JAZF1: variants seen among roughly 807,000 people sequenced by gnomAD.
The protein encoded by JAZF1 is JAZF zinc finger 1.
Under a neutral mutation model 26.4 loss-of-function variants are expected in JAZF1, and 8 were observed. That is an observed-to-expected ratio of 0.30 (90% CI 0.18 to 0.55). The LOEUF is 0.55. Ranked by LOEUF, JAZF1 falls within the 20% of genes least tolerant of loss-of-function variation. JAZF1 has a pLI of 0.94. For synonymous variants in JAZF1, 126 were observed against 122.3 expected (o/e 1.03, Z -0.20); for missense variants, 199 against 322.0 (o/e 0.62, Z 2.92).
chr7:27,865,326 G>A (rs1307267501), intron 3 of JAZF1, among the ~76,000 whole-genome samples: 1 of 152,154 alleles, frequency 6.6e-6, no homozygotes, highest in Non-Finnish European at 1.5e-5. Flanking sequence ...AGCCATGATC[G>A]TGCCACTGCA....
Position 28,110,497 on chromosome 7 carries a change from GGAAAGGAAAA to G in JAZF1, c.115+69956_115+69965del, listed in dbSNP as rs1486913627. 6.6e-4 allele frequency among the ~76,000 whole-genome samples: 19 copies of G among 28,642 alleles called. 2 individuals carry two copies. Among genetic ancestry groups the G allele is most frequent in the East Asian group, 2.2e-3 (1 of 452 alleles). The allele number at this position is 28,642 out of a possible 152,430, so 18.8% of individuals were successfully genotyped here. A position where few individuals can be genotyped will look rare whatever the true frequency, so the allele number is the denominator to read the frequency against. ...GGAAAGGAAAGGAAAGGAAAGGAAAGGAAAGGAAAAGGAAAGGAAAAGGAAAAGGAAAAGG... is the reference window on the plus strand; with the variant it reads ...GGAAAGGAAAGGAAAGGAAAGGAAAGGGAAAGGAAAAGGAAAAGGAAAAGG... On this transcript the variant is annotated intron_variant, in intron 1 of 4. Coordinates refer to ENST00000283928, the MANE Select transcript of JAZF1 (RefSeq NM_175061.4).
chr7:28,127,024 C>G (rs1241839208), intron 1 of JAZF1, among the ~76,000 whole-genome samples: 1 of 152,308 alleles, frequency 6.6e-6, no homozygotes, highest in Middle Eastern at 3.4e-3. Context: ...CAGTTTGTTC[C>G]AGACACTCAA....
intron 1 of JAZF1, among the ~76,000 whole-genome samples, chr7:28,159,786 A>C (rs747088359): frequency 4.6e-5 from 7 of 152,130 alleles, no homozygotes; most frequent in Non-Finnish European, 7.4e-5. Flanking sequence ...TGGTGTACAC[A>C]TAGCCTATTA....
intron 1 of JAZF1, among the ~76,000 whole-genome samples, chr7:28,146,871 T>G (rs1783036559): frequency 1.3e-5 from 2 of 151,380 alleles, no homozygotes; most frequent in African/African-American, 4.9e-5. Context: ...TTTGTTTTTT[T>G]TTTTTGAGAG....
chr7:27,847,730 T>C (rs1180940974), intron 3 of JAZF1, among the ~76,000 whole-genome samples: 1 of 152,148 alleles, frequency 6.6e-6, no homozygotes, highest in African/African-American at 2.4e-5. Context: ...TGCAGTGGTG[T>C]AATCTCAGTT....
intron 2 of JAZF1, among the ~76,000 whole-genome samples, chr7:27,973,893 C>A (rs1231680336): frequency 6.6e-6 from 1 of 152,100 alleles, no homozygotes; most frequent in African/African-American, 2.4e-5. Flanking sequence ...TCGGTGAACT[C>A]TTGGGACAAT....
At chr7:27,928,079 T>A (rs1334395108) in intron 2 of JAZF1, among the ~76,000 whole-genome samples, 1 of 152,238 alleles carries the variant, frequency 6.6e-6, no homozygotes, top group Non-Finnish European at 1.5e-5. Flanking sequence ...AGACTTGTAC[T>A]AAATTGTGCC....
At chr7:28,118,063 C>T (rs533606227) in intron 1 of JAZF1, 3 of 152,118 alleles carry the variant, frequency 2.0e-5, no homozygotes, top group South Asian at 2.1e-4. Flanking sequence ...TCTGGTCCAC[C>T]GCAGCTGGAA....
chr7:27,923,612 C>T (rs1784568382), intron 2 of JAZF1, among the ~76,000 whole-genome samples: 1 of 152,198 alleles, frequency 6.6e-6, no homozygotes, highest in African/African-American at 2.4e-5. Context: ...GGGCTGGCGC[C>T]GCCAACATTT....
intron 2 of JAZF1, among the ~76,000 whole-genome samples, chr7:27,915,880 A>C (rs1784437607): frequency 1.3e-5 from 2 of 152,258 alleles, no homozygotes; most frequent in African/African-American, 4.8e-5. Context: ...ACAGTGAAAT[A>C]CTATCCAGTA....
At chr7:28,118,257 CTGTAA>C (rs1554289636) in intron 1 of JAZF1, 1 of 152,234 alleles carries the variant, frequency 6.6e-6, no homozygotes, top group Non-Finnish European at 1.5e-5. Flanking sequence ...TGGCTCACAC[CTGTAA>C]TGCCAGCACT....
chr7:28,118,792 A>AAC (rs1554289665), intron 1 of JAZF1, among the ~76,000 whole-genome samples: 1 of 139,094 alleles, frequency 7.2e-6, no homozygotes, highest in Admixed American at 7.2e-5. Flanking sequence ...ACACACACAC[A>AAC]ACACACACAC....
intron 2 of JAZF1, among the ~76,000 whole-genome samples, chr7:27,972,581 T>C (rs765074172): frequency 1.3e-5 from 2 of 152,120 alleles, no homozygotes; most frequent in Non-Finnish European, 2.9e-5. Flanking sequence ...CCTGCTAAGA[T>C]AAAAACACAA....
intron 1 of JAZF1, among the ~76,000 whole-genome samples, chr7:28,146,220 G>C (rs1293646155): frequency 2.0e-5 from 3 of 152,228 alleles, no homozygotes; most frequent in Non-Finnish European, 4.4e-5. Flanking sequence ...AGGAGCAGAA[G>C]CCAGCAGATG....
At chr7:27,930,186 AG>A (rs937437735) in intron 2 of JAZF1, among the ~76,000 whole-genome samples, 1 of 151,938 alleles carries the variant, frequency 6.6e-6, no homozygotes, top group African/African-American at 2.4e-5. Flanking sequence ...TAGTAGAGAC[AG>A]GGTTTCACTG....
At chr7:27,927,490 TTA>T (rs1179090500) in intron 2 of JAZF1, among the ~76,000 whole-genome samples, 1 of 152,110 alleles carries the variant, frequency 6.6e-6, no homozygotes, top group African/African-American at 2.4e-5. Context: ...AGTATCTTCC[TTA>T]TAGTGTTGTT....
intron 1 of JAZF1, among the ~76,000 whole-genome samples, chr7:28,026,710 C>A (rs1783100268): frequency 6.6e-6 from 1 of 152,210 alleles, no homozygotes; most frequent in Non-Finnish European, 1.5e-5. Flanking sequence ...TTGCCCCTAA[C>A]ACAGAACTCT....
chr7:27,908,103 ATGTC>A (rs1291332609), intron 2 of JAZF1, among the ~76,000 whole-genome samples: 1 of 152,238 alleles, frequency 6.6e-6, no homozygotes, highest in Non-Finnish European at 1.5e-5. Flanking sequence ...AAAGTTGAGT[ATGTC>A]TAAGACAAGA....
At chr7:28,171,286 T>C (rs1388249084) in intron 1 of JAZF1, among the ~76,000 whole-genome samples, 1 of 152,256 alleles carries the variant, frequency 6.6e-6, no homozygotes, top group African/African-American at 2.4e-5. Flanking sequence ...GCATAATGGA[T>C]ATTTGTGTGA....
Sources: allele counts gnomAD v4.1 joint callset (sites outside exome capture counted in the v4.1 genomes callset), GRCh38; gene constraint gnomAD v4.1.1; transcripts MANE v1.5; gene names NCBI Gene and HGNC (gene_info 2026-07-23, HGNC 2026-07-21).